WNK4: variants seen among roughly 807,000 people sequenced by gnomAD.
WNK4 encodes WNK lysine deficient protein kinase 4.
Under a neutral mutation model 116.2 loss-of-function variants are expected in WNK4, and 94 were observed. The ratio of observed to expected loss-of-function variants is 0.81; its 90% CI spans 0.68 to 0.96. The LOEUF (loss-of-function observed/expected upper bound fraction) is 0.96, where lower values mean the gene tolerates loss of function less well. Among genes scored for constraint, WNK4 ranks in the 40% least tolerant of loss-of-function variants. The pLI is 0.00. For missense variants in WNK4, 1,542 were observed against 1,650.6 expected (o/e 0.93, Z 1.14); for synonymous variants, 655 against 672.7 (o/e 0.97, Z 0.41).
chr17:42,783,879 G>A (rs1178913505), intron 2 of WNK4, 58 bp from the exon 3 acceptor site: 121 of 1,520,396 alleles, frequency 8.0e-5, no homozygotes, highest in Non-Finnish European at 1.1e-4. Context: ...CCAGTGGGGG[G>A]CTCCTTCCCG....
intron 11 of WNK4, among the ~76,000 whole-genome samples, chr17:42,792,208 C>T (rs1406697872): frequency 6.6e-6 from 1 of 152,174 alleles, no homozygotes; most frequent in Non-Finnish European, 1.5e-5. Context: ...CAAAGATGTT[C>T]TGATACGACA....
chr17:42,794,543 C>T (rs1387166420), intron 12 of WNK4, 71 bp from the exon 13 acceptor site: 1 of 1,572,672 alleles, frequency 6.4e-7, no homozygotes, highest in Admixed American at 1.7e-5. Flanking sequence ...AGCTTAGGAA[C>T]CCCGGTCTGA....
chr17:42,789,665 A>AAAAC, intron 11 of WNK4, among the ~76,000 whole-genome samples: 1 of 143,134 alleles, frequency 7.0e-6, no homozygotes, highest in Admixed American at 6.9e-5. Flanking sequence ...ATTCTGTCTA[A>AAAAC]AAATAAATAA....
chr17:42,796,375 G>A (rs978363354), intron 17 of WNK4, 53 bp downstream of exon 17: 57 of 1,610,938 alleles, frequency 3.5e-5, no homozygotes, highest in Middle Eastern at 1.7e-4. Flanking sequence ...CCTTTCTGTC[G>A]ACTGTTTTTC....
rs1395972443 is a variant in WNK4, at chr17:42,785,468, G to T, written c.1462G>T (p.Val488Leu). 2 of 1,552,828 alleles carry T rather than the reference G, an allele frequency of 1.3e-6. No individual in the cohort carries two copies. Among genetic ancestry groups the T allele is most frequent in the South Asian group, 1.2e-5 (1 of 84,242 alleles). ...GCTGGGCCGGGACGCGGCCGAGGAG[G>T]TGGCACAGGAGATGGTGAGCGGAGG... is the stretch of plus-strand genomic sequence containing the variant. ...FQLGRDAAEE[V>L]AQEMVALGLV... The change falls in exon 6 of 19, where the codon GTG becomes TTG. Residue 488 changes from valine to leucine, a missense_variant. Physicochemically the swap from Val to Leu is conservative, Grantham distance 32. Transcript: ENST00000246914.
rs1169347836 is a variant in WNK4 at position 42,780,947 on chromosome 17, C to T, written c.249C>T (p.Pro83=). The change falls in exon 1 of 19, where the codon CCC becomes CCT. Residue 83 remains proline, a synonymous_variant. Coordinates refer to ENST00000246914, the MANE Select transcript of WNK4 (RefSeq NM_032387.5). The part of the protein sequence containing the change: ...WSLPASPAPD[P]PDPPDSAGPG... ...TGCCAGCCTCACCCGCTCCGGACCC[C>T]CCCGATCCTCCGGACTCCGCTGGTC... The T allele has an allele frequency of 6.2e-7, 1 of 1,610,212 alleles. No individual in the cohort carries two copies. The highest frequency in any genetic ancestry group is 1.3e-5 in the African/African-American group (1 of 74,918).
Position 42,784,064 on chromosome 17 carries a change from A to C in WNK4, c.919A>C (p.Asn307His). ...CCTGCACCGGGATCTCAAGTGCGAC[A>C]ATGTCTTTATCACGGGACCTACTGG... ...PILHRDLKCD[N>H]VFITGPTGSV... The change falls in exon 3 of 19, where the codon AAT becomes CAT. Residue 307 changes from asparagine (N) to histidine (H), a missense_variant. Asn to His is a moderately conservative substitution (Grantham distance 68). Around this residue, in one of 7 missense-constraint regions of WNK4, gnomAD observed 808 missense variants for 873.6 expected, o/e 0.92. Coordinates refer to ENST00000246914, the MANE Select transcript of WNK4 (RefSeq NM_032387.5). The surrounding 1 kb of genome is among the most constrained non-coding windows in gnomAD (Gnocchi z 4.4). 1 of 1,613,686 alleles carries C rather than the reference A, an allele frequency of 6.2e-7. No individual in the cohort carries two copies. Among genetic ancestry groups the C allele is most frequent in the Non-Finnish European group, 8.5e-7 (1 of 1,180,032 alleles).
At position 42,782,986 on chromosome 17, in the gene WNK4, C is replaced by G; in HGVS notation, c.791+56C>G. On this transcript the variant is annotated intron_variant, in intron 2 of 18. Transcript: ENST00000246914. The surrounding 1 kb of genome is among the most constrained non-coding windows in gnomAD (Gnocchi z 4.2). The stretch of plus-strand genomic sequence containing the variant: ...GGGAGGCTGGGATGTGTGCCCACTG[C>G]TTCCTGAACTCCCAGGCTCCTCAAA... The G allele has an allele frequency of 1.9e-6, 3 of 1,590,304 alleles. No individual in the cohort carries two copies. Among genetic ancestry groups the G allele is most frequent in the South Asian group, 2.3e-5 (2 of 88,838 alleles).
intron 2 of WNK4, among the ~76,000 whole-genome samples, chr17:42,783,447 G>A (rs2054506430): frequency 1.3e-5 from 2 of 152,098 alleles, no homozygotes; most frequent in South Asian, 4.1e-4. Context: ...AAGTCCTTAG[G>A]ATACAGCCTC....
rs1416892174 is a variant in WNK4 at position 42,795,987 on chromosome 17, G to A, written c.3385G>A (p.Gly1129Arg). Reference protein sequence around the residue: ...CLSSEESESSGEDEEFWAELQ... With the variant: ...CLSSEESESSREDEEFWAELQ... ...GAGCAGCGAGGAGTCAGAAAGCAGT[G>A]GGGAAGATGAGGAGTTCTGGGCTGA... Residue 1129 changes from glycine (G) to arginine (R), a missense_variant, in exon 16 of 19, where the codon GGG becomes AGG. This residue lies in a region of WNK4 where 148 missense variants were observed against 157.2 expected (regional missense o/e 0.94). Coordinates refer to ENST00000246914, the MANE Select transcript of WNK4 (RefSeq NM_032387.5). The A allele has an allele frequency of 6.2e-7, 1 of 1,613,750 alleles. No homozygotes were observed. The highest frequency in any genetic ancestry group is 8.5e-7 in the Non-Finnish European group (1 of 1,180,026).
Position 42,780,652 on chromosome 17 carries a change from C to T in WNK4, c.-47C>T, listed in dbSNP as rs375681809. On this transcript the variant is annotated 5_prime_UTR_variant, in exon 1 of 19. Coordinates refer to ENST00000246914, the MANE Select transcript of WNK4 (RefSeq NM_032387.5). ...GCGAGTCCGTCTGTCAGGCCGCCTC[C>T]TCTCCGGCCGTCTGATTTTCTACCC... 23 of 1,598,078 alleles carry T rather than the reference C, an allele frequency of 1.4e-5. No individual in the cohort carries two copies. The highest frequency in any genetic ancestry group is 1.9e-5 in the Non-Finnish European group (22 of 1,178,688).
At chr17:42,787,660 T>G in intron 7 of WNK4, 118 bp downstream of exon 7, 1 of 1,591,044 alleles carries the variant, frequency 6.3e-7, no homozygotes, top group Non-Finnish European at 8.6e-7. Context: ...GCCATGAAGC[T>G]CCCTCCAGGA....
intron 11 of WNK4, among the ~76,000 whole-genome samples, chr17:42,791,943 C>T (rs1261425512): frequency 1.4e-5 from 2 of 147,004 alleles, no homozygotes; most frequent in African/African-American, 5.2e-5. Flanking sequence ...GAGCAAGGCT[C>T]AGTCTCAAAA....
rs2054469946 is a variant in WNK4, at chr17:42,780,621, C to T, written c.-78C>T. Reference sequence around the variant, plus strand: ...GCAGCCGCTCAGCCGGAGCGCAGCGCACCCAGCGAGTCCGTCTGTCAGGCC... The same window carrying T: ...GCAGCCGCTCAGCCGGAGCGCAGCGTACCCAGCGAGTCCGTCTGTCAGGCC... On this transcript the variant is annotated 5_prime_UTR_variant, in exon 1 of 19. Transcript: ENST00000246914. 1.9e-6 allele frequency: 3 copies of T among 1,571,334 alleles called. No individual in the cohort carries two copies. In the Admixed American group the frequency reaches 5.0e-5, roughly 26 times the overall value.
At position 42,782,769 on chromosome 17, in the gene WNK4, G is replaced by A. The variant is rs765701300; in HGVS notation, c.630G>A (p.Leu210=). 6.2e-7 allele frequency: 1 copy of A among 1,614,010 alleles called. No homozygotes were observed. The highest frequency in any genetic ancestry group is 1.3e-5 in the African/African-American group (1 of 74,934). The change falls in exon 2 of 19, where the codon CTG becomes CTA. Residue 210 remains leucine, a synonymous_variant. Coordinates refer to ENST00000246914, the MANE Select transcript of WNK4 (RefSeq NM_032387.5). The surrounding 1 kb of genome is among the most constrained non-coding windows in gnomAD (Gnocchi z 4.2). ...VAWCELQTRK[L]SRAERQRFSE... Reference sequence around the variant, plus strand: ...CCCCCATCCCACAGACTCGGAAACTGTCTAGAGCTGAGCGGCAGCGCTTCT... The same window carrying A: ...CCCCCATCCCACAGACTCGGAAACTATCTAGAGCTGAGCGGCAGCGCTTCT...
At chr17:42,794,211 T>C (rs2054637088) in intron 12 of WNK4, 2 of 314,648 alleles carry the variant, frequency 6.4e-6, no homozygotes, top group Non-Finnish European at 1.2e-5. Context: ...ACTCTTGTTC[T>C]AGAAAACTTG....
In WNK4 at chr17:42,796,585, G is replaced by A. The variant is rs2144095480; in HGVS notation, c.3729+7G>A. On this transcript the variant is annotated splice_region_variant and intron_variant, in intron 18 of 18. Coordinates refer to ENST00000246914, the MANE Select transcript of WNK4 (RefSeq NM_032387.5). Reference sequence around the variant, plus strand: ...CGGGGATGTTGGCAGGATGGTGAGGGCGGGCCCAAGGGAGGGAGAGCCCAG... The same window carrying A: ...CGGGGATGTTGGCAGGATGGTGAGGACGGGCCCAAGGGAGGGAGAGCCCAG... 1.2e-6 allele frequency: 2 copies of A among 1,614,210 alleles called. No homozygotes were observed. Among genetic ancestry groups the A allele is most frequent in the South Asian group, 2.2e-5 (2 of 91,088 alleles).
Position 42,787,842 on chromosome 17 carries a change from T to G in WNK4, c.1806T>G (p.Leu602=). ...TCCTGGATGCCTCAGACCCTGCCCT[T>G]CAGCCCCCTGGGGGGGTGCCATCCA... ...SGFLDASDPA[L]QPPGGVPSSL... is the part of the protein sequence containing the mutation. Residue 602 remains leucine, a synonymous_variant, in exon 8 of 19, where the codon CTT becomes CTG. Coordinates refer to ENST00000246914, the MANE Select transcript of WNK4 (RefSeq NM_032387.5). 1 of 1,612,468 alleles carries G rather than the reference T, an allele frequency of 6.2e-7. No individual in the cohort carries two copies. Among genetic ancestry groups the G allele is most frequent in the South Asian group, 1.1e-5 (1 of 91,084 alleles).
At chr17:42,787,140 C>A in intron 6 of WNK4, 138 bp from the exon 7 acceptor site, 2 of 1,254,012 alleles carry the variant, frequency 1.6e-6, no homozygotes, top group Non-Finnish European at 2.2e-6. Flanking sequence ...TAAGGAGCTG[C>A]CAGTTAACAG....
Sources: gnomAD v4.1 joint callset for allele counts (sites outside exome capture counted in the v4.1 genomes callset) on GRCh38, gnomAD v4.1.1 for gene constraint, gnomAD v4.1.1 regional missense constraint, Gnocchi (gnomAD v3.1) non-coding constraint, MANE v1.5 for transcripts, NCBI Gene and HGNC (gene_info 2026-07-23, HGNC 2026-07-21) for gene names.